The following ZNF624 variants were observed in gnomAD, a reference collection of about 807,000 sequenced individuals.
ZNF624 encodes zinc finger protein 624.
In ZNF624, 43 loss-of-function variants were observed where a neutral mutation model predicts 74.7. That is an observed-to-expected ratio of 0.58 (90% CI 0.45 to 0.74). The LOEUF (loss-of-function observed/expected upper bound fraction) is 0.74, where lower values mean the gene tolerates loss of function less well. Ranked by LOEUF, ZNF624 falls within the 30% of genes least tolerant of loss-of-function variation. The pLI, the probability that ZNF624 is intolerant of heterozygous loss-of-function variation, is 0.00. For synonymous variants in ZNF624, 331 were observed against 341.3 expected, an observed-to-expected ratio of 0.97 and a Z score of 0.33; for missense variants, 820 against 1,030.0, an observed-to-expected ratio of 0.80 and a Z score of 2.79.
downstream of ZNF624, among the ~76,000 whole-genome samples, chr17:16,619,389 A>G (rs1157027794): frequency 1.3e-5 from 2 of 152,226 alleles, no homozygotes; most frequent in Non-Finnish European, 2.9e-5. Context: ...ATCAAAGGAC[A>G]TCATTTAGAG....
At chr17:16,639,567 G>C (rs1909418704) in intron 3 of ZNF624, among the ~76,000 whole-genome samples, 1 of 152,016 alleles carries the variant, frequency 6.6e-6, no homozygotes, top group Non-Finnish European at 1.5e-5. Context: ...AAATGACTAA[G>C]GCAGAGTTGC....
chr17:16,640,719 A>G (rs1909447983), intron 3 of ZNF624, among the ~76,000 whole-genome samples: 1 of 152,244 alleles, frequency 6.6e-6, no homozygotes, highest in South Asian at 2.1e-4. Flanking sequence ...GGATAGATCT[A>G]TAACAAGTAC....
chr17:16,627,989 T>C (rs1310488861), intron 5 of ZNF624, among the ~76,000 whole-genome samples: 2 of 152,164 alleles, frequency 1.3e-5, no homozygotes, highest in East Asian at 3.9e-4. Context: ...CTGGGCATAG[T>C]GGCTCACATC....
Position 16,624,026 on chromosome 17 carries a change from T to C in ZNF624, c.860A>G (p.Tyr287Cys). ...TTGATGTTGAATGAGCAATGATCTA[T>C]AATGAAAGGCCTTTTCGCATGTACT... ...KCSTCEKAFH[Y>C]RSLLIQHQRT... The change falls in exon 6 of 6, where the codon TAT becomes TGT. Residue 287 changes from tyrosine to cysteine, a missense_variant. By Grantham distance (194) the Tyr-to-Cys change is radical. Transcript: ENST00000311331. 2 of 1,613,656 alleles carry C rather than the reference T, an allele frequency of 1.2e-6. No homozygotes were observed. The highest frequency in any genetic ancestry group is 1.7e-6 in the Non-Finnish European group (2 of 1,179,928).
intron 1 of ZNF624, 126 bp from the exon 2 acceptor site, chr17:16,649,872 C>G (rs554881224): frequency 1.4e-6 from 1 of 693,096 alleles, no homozygotes; most frequent in South Asian, 1.8e-5. Context: ...CCCTTAAGAT[C>G]AGTGAGGGAC....
rs202040961 is a variant in ZNF624 at position 16,647,365 on chromosome 17, A to T, written c.117T>A (p.Asp39Glu). The T allele has an allele frequency of 3.7e-6, 6 of 1,614,064 alleles. No individual in the cohort carries two copies. The highest frequency in any genetic ancestry group is 5.1e-6 in the Non-Finnish European group (6 of 1,180,036). Residue 39 changes from aspartate (D) to glutamate (E), a missense_variant, in exon 3 of 6, where the codon GAT becomes GAA. Physicochemically the swap from Asp to Glu is conservative, Grantham distance 45. Coordinates refer to ENST00000311331, the MANE Select transcript of ZNF624 (RefSeq NM_020787.4). ...GTGTTTCTTCTGCCTGAAGGTGAAGATCTTCATCTGGCTGGGTAACTTCAG... is the reference window on the plus strand; with the variant it reads ...GTGTTTCTTCTGCCTGAAGGTGAAGTTCTTCATCTGGCTGGGTAACTTCAG... ...LSPEVTQPDE[D>E]LHLQAEETQL...
intron 5 of ZNF624, among the ~76,000 whole-genome samples, chr17:16,630,258 A>G (rs1909173495): frequency 6.7e-6 from 1 of 150,032 alleles, no homozygotes. Context: ...ATATTTTTAG[A>G]AAAAAAAAAG....
intron 3 of ZNF624, among the ~76,000 whole-genome samples, chr17:16,639,301 G>A (rs1178710820): frequency 6.6e-6 from 1 of 152,014 alleles, no homozygotes; most frequent in African/African-American, 2.4e-5. Flanking sequence ...CATGTCTTAT[G>A]TATATATATA....
At chr17:16,651,761 G>T (rs118099756) in intron 1 of ZNF624, among the ~76,000 whole-genome samples, 1 of 152,004 alleles carries the variant, frequency 6.6e-6, no homozygotes, top group African/African-American at 2.4e-5. Context: ...AACTAGAGGG[G>T]TCTCAAATCT....
intron 5 of ZNF624, 141 bp downstream of exon 5, chr17:16,633,721 G>T: frequency 1.7e-6 from 1 of 588,028 alleles, no homozygotes; most frequent in Non-Finnish European, 3.0e-6. Flanking sequence ...GAGAGGGACA[G>T]GCAGTGAGAT....
At chr17:16,641,307 A>G (rs1293511231) in intron 3 of ZNF624, among the ~76,000 whole-genome samples, 1 of 151,306 alleles carries the variant, frequency 6.6e-6, no homozygotes, top group African/African-American at 2.4e-5. Flanking sequence ...TTTTGGATAC[A>G]GGATCTTGCT....
At chr17:16,619,442 A>T (rs1475595099), downstream of ZNF624, among the ~76,000 whole-genome samples, 1 of 152,180 alleles carries the variant, frequency 6.6e-6, no homozygotes, top group East Asian at 1.9e-4. Flanking sequence ...TAATACAAAC[A>T]TCTAAAAAAA....
chr17:16,637,313 C>A (rs868785832), intron 3 of ZNF624, among the ~76,000 whole-genome samples: 1 of 152,092 alleles, frequency 6.6e-6, no homozygotes, highest in Admixed American at 6.6e-5. Context: ...ATAGATTCAA[C>A]GCCACCCCCA....
rs939301942 is a variant in ZNF624 at position 16,622,627 on chromosome 17, C to T, written c.2259G>A (p.Lys753=). 4.3e-6 allele frequency: 7 copies of T among 1,613,940 alleles called. No homozygotes were observed. The African/African-American group carries it at 8.0e-5, about 18-fold the overall frequency. Residue 753 remains lysine, a synonymous_variant, in exon 6 of 6, where the codon AAG becomes AAA. Transcript: ENST00000311331. ...TGAAGGCTTTTCCACAGACATCACA[C>T]TTATAGGGCTTCTCTCCACTATGGA... ...QKIHSGEKPY[K]CDVCGKAFRR...
intron 5 of ZNF624, among the ~76,000 whole-genome samples, chr17:16,630,627 T>G (rs1909184389): frequency 6.6e-6 from 1 of 151,930 alleles, no homozygotes; most frequent in South Asian, 2.1e-4. Flanking sequence ...ACACAGAAAG[T>G]GAAAGTTAGC....
In ZNF624 at chr17:16,634,698, A is replaced by T. The variant is rs780070045; in HGVS notation, c.212T>A (p.Met71Lys). ...IDFTLEEWRL[M>K]DPTQRNLHKD... is the part of the protein sequence containing the mutation. ...GTGCAGGTTCCTCTGTGTAGGGTCC[A>T]TCAACCTCCACTCCTCCAATGTGAA... The change falls in exon 4 of 6, where the codon ATG (methionine) becomes AAG (lysine). Residue 71 changes from methionine (M) to lysine (K), a missense_variant. Met to Lys is a moderately conservative substitution (Grantham distance 95). Coordinates refer to ENST00000311331, the MANE Select transcript of ZNF624 (RefSeq NM_020787.4). 10 of 1,613,652 alleles carry T rather than the reference A, an allele frequency of 6.2e-6. No homozygotes were observed. Among genetic ancestry groups the T allele is most frequent in the Non-Finnish European group, 8.5e-7 (1 of 1,179,708 alleles).
At chr17:16,617,667 C>T, downstream of ZNF624, 1 of 1,600,306 alleles carries the variant, frequency 6.2e-7, no homozygotes, top group African/African-American at 1.4e-5. Context: ...GCGACGCGGG[C>T]CCCGGGCGTG....
intron 3 of ZNF624, among the ~76,000 whole-genome samples, chr17:16,635,710 C>T (rs1325801543): frequency 6.6e-6 from 1 of 151,864 alleles, no homozygotes; most frequent in African/African-American, 2.4e-5. Context: ...AACTGCTGTG[C>T]GTGTAGTGCT....
chr17:16,639,823 G>C (rs1003933987), intron 3 of ZNF624, among the ~76,000 whole-genome samples: 3 of 152,062 alleles, frequency 2.0e-5, no homozygotes, highest in African/African-American at 7.2e-5. Flanking sequence ...CCCAGAGAGG[G>C]GAGAATCTGA....
Sources: allele counts gnomAD v4.1 joint callset (sites outside exome capture counted in the v4.1 genomes callset), GRCh38; gene constraint gnomAD v4.1.1; transcripts MANE v1.5; gene names NCBI Gene and HGNC (gene_info 2026-07-23, HGNC 2026-07-21).